NOL4: variants seen among roughly 807,000 people sequenced by gnomAD.
NOL4 encodes the protein cancer/testis antigen 125.
NOL4 carries 17 observed loss-of-function variants against 75.9 expected under a neutral mutation model. The observed-to-expected ratio is 0.22, with a 90% confidence interval of 0.15 to 0.34. The LOEUF is 0.34. NOL4 is among the 10% of genes least tolerant of loss of function. The pLI, the probability that NOL4 is intolerant of heterozygous loss-of-function variation, is 1.00. For synonymous variants in NOL4, 292 were observed against 289.9 expected, an observed-to-expected ratio of 1.01 and a Z score of -0.07; for missense variants, 614 against 793.5, an observed-to-expected ratio of 0.77 and a Z score of 2.72.
chr18:33,931,664 T>G (rs150615947), intron 9 of NOL4, among the ~76,000 whole-genome samples: 1,529 of 151,946 alleles, frequency 0.01, 9 homozygotes, highest in Non-Finnish European at 0.015. Flanking sequence ...TGCCCAAGAG[T>G]ATGAGGCTAC....
chr18:33,888,469 T>C (rs898591306), intron 9 of NOL4, among the ~76,000 whole-genome samples: 1 of 152,142 alleles, frequency 6.6e-6, no homozygotes, highest in African/African-American at 2.4e-5. Context: ...TTGCTTTTGG[T>C]ATTTTAGACA....
chr18:33,941,042 G>A (rs1327047033), intron 9 of NOL4, among the ~76,000 whole-genome samples: 1 of 151,962 alleles, frequency 6.6e-6, no homozygotes, highest in Non-Finnish European at 1.5e-5. Context: ...GTAAATAGCA[G>A]ATCTTTAGTA....
At chr18:33,893,111 C>A (rs1242542050) in intron 9 of NOL4, among the ~76,000 whole-genome samples, 2 of 151,998 alleles carry the variant, frequency 1.3e-5, no homozygotes, top group African/African-American at 4.8e-5. Flanking sequence ...GATTAAAAAT[C>A]TATAAGAGAT....
chr18:34,191,669 C>T (rs1432004881), intron 1 of NOL4, among the ~76,000 whole-genome samples: 1 of 152,084 alleles, frequency 6.6e-6, no homozygotes, highest in Non-Finnish European at 1.5e-5. Context: ...AATAACTTTC[C>T]TGAAAGCCTT....
At chr18:34,098,136 A>T (rs2078877347) in intron 4 of NOL4, among the ~76,000 whole-genome samples, 1 of 152,084 alleles carries the variant, frequency 6.6e-6, no homozygotes, top group African/African-American at 2.4e-5. Context: ...TGCCCCTTAC[A>T]TGCATGCTGC....
intron 1 of NOL4, among the ~76,000 whole-genome samples, chr18:34,211,282 A>G (rs991590338): frequency 5.9e-5 from 9 of 152,256 alleles, no homozygotes; most frequent in Non-Finnish European, 1.2e-4. Context: ...TAGCTTTTAC[A>G]GAGGAAAAAT....
At chr18:34,101,755 G>A (rs1175866489) in intron 4 of NOL4, among the ~76,000 whole-genome samples, 2 of 151,886 alleles carry the variant, frequency 1.3e-5, no homozygotes, top group Admixed American at 1.3e-4. Context: ...TGGTGTCCCT[G>A]CATCCAGTTT....
intron 9 of NOL4, among the ~76,000 whole-genome samples, chr18:33,893,536 T>C (rs2065221978): frequency 6.6e-6 from 1 of 152,140 alleles, no homozygotes; most frequent in Non-Finnish European, 1.5e-5. Flanking sequence ...TGACAATAGG[T>C]TTTAATAAAA....
chr18:34,162,870 C>G (rs2031728343), intron 1 of NOL4, among the ~76,000 whole-genome samples: 1 of 152,202 alleles, frequency 6.6e-6, no homozygotes. Flanking sequence ...AATCTAGCAG[C>G]ACATCAAAAA....
intron 1 of NOL4, among the ~76,000 whole-genome samples, chr18:34,190,169 T>C (rs1403069385): frequency 2.0e-5 from 3 of 151,796 alleles, no homozygotes; most frequent in Non-Finnish European, 4.4e-5. Context: ...GAATTCAGAT[T>C]TATAAACAGC....
chr18:33,896,240 A>T (rs2065401156), intron 9 of NOL4, among the ~76,000 whole-genome samples: 1 of 152,148 alleles, frequency 6.6e-6, no homozygotes, highest in Non-Finnish European at 1.5e-5. Context: ...AGCAATTTAC[A>T]GATTCAATGC....
chr18:33,883,659 T>C (rs889570241), intron 9 of NOL4, among the ~76,000 whole-genome samples: 3 of 152,060 alleles, frequency 2.0e-5, no homozygotes, highest in Non-Finnish European at 4.4e-5. Context: ...CAATTGAATA[T>C]AAAATGACAT....
intron 9 of NOL4, among the ~76,000 whole-genome samples, chr18:33,942,541 A>G (rs2068563205): frequency 1.3e-5 from 2 of 151,942 alleles, no homozygotes; most frequent in Admixed American, 1.3e-4. Context: ...TAAATGATTA[A>G]TTAATGAGAG....
At chr18:33,868,866 G>A (rs1467830880) in intron 10 of NOL4, among the ~76,000 whole-genome samples, 1 of 151,864 alleles carries the variant, frequency 6.6e-6, no homozygotes, top group East Asian at 1.9e-4. Context: ...ATTGATAGCT[G>A]TTAAGGATAC....
At chr18:33,969,619 T>C (rs555472046) in intron 6 of NOL4, among the ~76,000 whole-genome samples, 7 of 152,268 alleles carry the variant, frequency 4.6e-5, no homozygotes, top group African/African-American at 1.7e-4. Flanking sequence ...TGTATAACCA[T>C]AGATGGTATA....
intron 9 of NOL4, among the ~76,000 whole-genome samples, chr18:33,894,900 T>C (rs557898201): frequency 2.6e-4 from 40 of 152,224 alleles, no homozygotes; most frequent in African/African-American, 9.4e-4. Context: ...ACAGGTTTTG[T>C]GCTCTATTGC....
At chr18:33,941,674 G>A (rs1352768608) in intron 9 of NOL4, among the ~76,000 whole-genome samples, 16 of 151,894 alleles carry the variant, frequency 1.1e-4, no homozygotes, top group Non-Finnish European at 1.5e-5. Context: ...GATGAGTACT[G>A]TTACTATTGC....
chr18:34,164,665 T>C (rs1209312778), intron 1 of NOL4, among the ~76,000 whole-genome samples: 9 of 152,006 alleles, frequency 5.9e-5, no homozygotes, highest in Admixed American at 3.3e-4. Context: ...AGTTCAACCA[T>C]TGTGGAAGTC....
chr18:33,852,744 A>T lies in NOL4; in HGVS notation c.*98T>A, dbSNP rs889816701. 9.9e-7 allele frequency: 1 copy of T among 1,011,362 alleles called. No homozygotes were observed. The highest frequency in any genetic ancestry group is 1.5e-6 in the Non-Finnish European group (1 of 683,028). 62.6% of individuals were successfully genotyped at this position (1,011,362 alleles called of 1,614,324 possible). A position where few individuals can be genotyped will look rare whatever the true frequency, so the allele number is the denominator to read the frequency against. ...ATAATGGAAGTATTTCTCTTAAAAGACTGTGCAGTAAGACCAGAAGTATCT... is the reference window on the plus strand; with the variant it reads ...ATAATGGAAGTATTTCTCTTAAAAGTCTGTGCAGTAAGACCAGAAGTATCT... On this transcript the variant is annotated 3_prime_UTR_variant, in exon 11 of 11. Coordinates refer to ENST00000261592, the MANE Select transcript of NOL4 (RefSeq NM_003787.5).
Sources: allele counts gnomAD v4.1 joint callset (sites outside exome capture counted in the v4.1 genomes callset), GRCh38; gene constraint gnomAD v4.1.1; transcripts MANE v1.5; gene names NCBI Gene and HGNC (gene_info 2026-07-23, HGNC 2026-07-21).